The following CCDC88C variants were observed in gnomAD, a reference collection of about 807,000 sequenced individuals.
The protein encoded by CCDC88C is coiled-coil and HOOK domain protein 88C.
A neutral mutation model predicts 198.8 loss-of-function variants in CCDC88C; 131 were observed. The observed-to-expected ratio is 0.66, with a 90% CI of 0.57 to 0.76. The LOEUF (loss-of-function observed/expected upper bound fraction) is 0.76, where lower values mean the gene tolerates loss of function less well. CCDC88C is among the 30% of genes least tolerant of loss of function. The probability of loss-of-function intolerance (pLI) is 0.00; values close to 1 mark genes in which losing one functional copy is unlikely to be tolerated. For missense variants in CCDC88C, 2,553 were observed against 2,631.6 expected, an observed-to-expected ratio of 0.97 and a Z score of 0.65; for synonymous variants, 1,166 against 1,114.7, an observed-to-expected ratio of 1.05 and a Z score of -0.92.
chr14:91,276,284 G>A (rs933575615), intron 29 of CCDC88C, among the ~76,000 whole-genome samples: 1 of 152,242 alleles, frequency 6.6e-6, no homozygotes, highest in Non-Finnish European at 1.5e-5. Flanking sequence ...TCAAACGCAC[G>A]CCTGAGTTTG....
chr14:91,301,763 GACATA>G (rs1444061852), intron 20 of CCDC88C, among the ~76,000 whole-genome samples: 1 of 152,200 alleles, frequency 6.6e-6, no homozygotes, highest in East Asian at 1.9e-4. Context: ...TATTTAATAC[GACATA>G]ACATAACACT....
At chr14:91,402,268 T>C (rs1886245860) in intron 3 of CCDC88C, among the ~76,000 whole-genome samples, 1 of 151,054 alleles carries the variant, frequency 6.6e-6, no homozygotes, top group South Asian at 2.1e-4. Context: ...CGAGCAAGAC[T>C]GTCTCAAACA....
At chr14:91,304,358 G>A (rs1226337799) in intron 19 of CCDC88C, among the ~76,000 whole-genome samples, 1 of 152,192 alleles carries the variant, frequency 6.6e-6, no homozygotes, top group Non-Finnish European at 1.5e-5. Context: ...AGAAGCAGGA[G>A]GGTCACTTGA....
intron 3 of CCDC88C, among the ~76,000 whole-genome samples, chr14:91,395,305 C>G (rs1162408680): frequency 1.3e-5 from 2 of 152,110 alleles, no homozygotes; most frequent in African/African-American, 4.8e-5. Flanking sequence ...AGCCTGGGAC[C>G]CAGAGCTGTC....
At chr14:91,283,302 A>G (rs1159277746) in intron 26 of CCDC88C, 27 bp downstream of exon 26, 3 of 1,608,252 alleles carry the variant, frequency 1.9e-6, no homozygotes, top group East Asian at 2.2e-5. Context: ...CCCGACGCTC[A>G]TGGCTCTGGA....
chr14:91,316,060 G>A (rs1480453905), intron 13 of CCDC88C, among the ~76,000 whole-genome samples: 1 of 152,204 alleles, frequency 6.6e-6, no homozygotes, highest in African/African-American at 2.4e-5. Flanking sequence ...GCCACCGCTG[G>A]GTGCCCTCGG....
At chr14:91,395,018 C>G (rs1429587047) in intron 3 of CCDC88C, among the ~76,000 whole-genome samples, 1 of 152,170 alleles carries the variant, frequency 6.6e-6, no homozygotes, top group African/African-American at 2.4e-5. Flanking sequence ...TGTAGAACCC[C>G]TCCTACAACC....
intron 28 of CCDC88C, among the ~76,000 whole-genome samples, chr14:91,278,459 G>A (rs1459113942): frequency 6.6e-6 from 1 of 152,238 alleles, no homozygotes; most frequent in Non-Finnish European, 1.5e-5. Flanking sequence ...ATTACTGGCT[G>A]TAAGGCACTG....
At chr14:91,324,150 C>T (rs1892477769) in intron 12 of CCDC88C, among the ~76,000 whole-genome samples, 1 of 152,246 alleles carries the variant, frequency 6.6e-6, no homozygotes, top group African/African-American at 2.4e-5. Flanking sequence ...CTGAGGCTTC[C>T]TGCGCAGGGG....
chr14:91,293,661 T>C (rs1392008397), intron 23 of CCDC88C, among the ~76,000 whole-genome samples: 1 of 149,358 alleles, frequency 6.7e-6, no homozygotes, highest in Non-Finnish European at 1.5e-5. Context: ...CTCCCCCTGT[T>C]TTTTTTCCAT....
chr14:91,404,927 T>C (rs1312327488), intron 3 of CCDC88C, among the ~76,000 whole-genome samples: 3 of 145,986 alleles, frequency 2.1e-5, no homozygotes, highest in African/African-American at 7.7e-5. Context: ...ATCACGCCAC[T>C]GCACTCCAGG....
intron 21 of CCDC88C, among the ~76,000 whole-genome samples, chr14:91,299,673 TCAC>T (rs1057198253): frequency 6.6e-6 from 1 of 152,216 alleles, no homozygotes; most frequent in South Asian, 2.1e-4. Flanking sequence ...GATGCAATCC[TCAC>T]CACAAGGGTG....
At position 91,303,801 on chromosome 14, in the gene CCDC88C, C is replaced by T. The variant is rs1891440038; in HGVS notation, c.3535G>A (p.Glu1179Lys). ...GCCTCGTACTCGGCCGATTGCCGCTCGTGCAGCGTGCCCAGGTGCTCGTGG... is the reference window on the plus strand; with the variant it reads ...GCCTCGTACTCGGCCGATTGCCGCTTGTGCAGCGTGCCCAGGTGCTCGTGG... ...QDHEHLGTLH[E>K]RQSAEYEALI... Residue 1179 changes from glutamate to lysine, a missense_variant, in exon 20 of 30, where the codon GAG becomes AAG. Physicochemically the swap from Glu to Lys is moderately conservative, Grantham distance 56 (BLOSUM62 1). Transcript: ENST00000389857. 5.0e-6 allele frequency: 8 copies of T among 1,613,308 alleles called. No individual in the cohort carries two copies. The East Asian group carries it at 1.6e-4, about 31-fold the overall frequency.
chr14:91,334,628 G>A (rs555905882), intron 10 of CCDC88C, among the ~76,000 whole-genome samples: 10 of 151,608 alleles, frequency 6.6e-5, no homozygotes, highest in African/African-American at 2.2e-4. Flanking sequence ...CAAATTCCCT[G>A]GAAATATGCA....
At chr14:91,415,499 C>T (rs1235550737) in intron 2 of CCDC88C, among the ~76,000 whole-genome samples, 3 of 152,020 alleles carry the variant, frequency 2.0e-5, no homozygotes, top group South Asian at 2.1e-4. Context: ...CCAAGGCAGG[C>T]GGATCACCTG....
At chr14:91,312,319 T>C (rs1421491508) in intron 15 of CCDC88C, among the ~76,000 whole-genome samples, 1 of 151,846 alleles carries the variant, frequency 6.6e-6, no homozygotes, top group East Asian at 1.9e-4. Context: ...ACCCAGGAGG[T>C]GGAGCCTGCA....
chr14:91,314,275 C>T, intron 14 of CCDC88C, 125 bp from the exon 15 acceptor site: 1 of 715,882 alleles, frequency 1.4e-6, no homozygotes, highest in Non-Finnish European at 2.3e-6. Flanking sequence ...TCAGACACTG[C>T]CTGTGCGTTC....
chr14:91,391,621 AT>A (rs1326428303), intron 3 of CCDC88C, among the ~76,000 whole-genome samples: 1 of 152,136 alleles, frequency 6.6e-6, no homozygotes, highest in Non-Finnish European at 1.5e-5. Context: ...TCTACCAAAA[AT>A]ACAAAAATTA....
chr14:91,357,585 CT>C (rs1894096921), intron 4 of CCDC88C, among the ~76,000 whole-genome samples: 1 of 152,226 alleles, frequency 6.6e-6, no homozygotes, highest in Non-Finnish European at 1.5e-5. Flanking sequence ...CTGTCCCCTC[CT>C]TTTGCTCCTC....
Sources: allele counts gnomAD v4.1 joint callset (sites outside exome capture counted in the v4.1 genomes callset), GRCh38; gene constraint gnomAD v4.1.1; transcripts MANE v1.5; gene names NCBI Gene and HGNC (gene_info 2026-07-23, HGNC 2026-07-21).